RAPGEF4: variants seen among roughly 807,000 people sequenced by gnomAD.
RAPGEF4 encodes the protein RAP guanine-nucleotide-exchange factor (GEF) 4.
A neutral mutation model predicts 147.9 loss-of-function variants in RAPGEF4; 66 were observed. That is an observed-to-expected ratio of 0.45 (90% CI 0.37 to 0.55). The LOEUF is 0.55. RAPGEF4 is among the 20% of genes least tolerant of loss of function. RAPGEF4 has a pLI of 0.00. For synonymous variants in RAPGEF4, 419 were observed against 442.7 expected, an observed-to-expected ratio of 0.95 and a Z score of 0.67; for missense variants, 1,071 against 1,257.3, an observed-to-expected ratio of 0.85 and a Z score of 2.24.
intron 4 of RAPGEF4, among the ~76,000 whole-genome samples, chr2:172,914,526 A>T (rs1170267349): frequency 6.6e-6 from 1 of 151,166 alleles, no homozygotes; most frequent in South Asian, 2.1e-4. Flanking sequence ...AATTTGATAG[A>T]TCTAGTCACT....
chr2:172,744,258 A>G (rs1003183247), intron 1 of RAPGEF4: 3 of 311,788 alleles, frequency 9.6e-6, no homozygotes, highest in Non-Finnish European at 1.3e-5. Flanking sequence ...GGAAAACATG[A>G]TATAGTCAAA....
At chr2:172,997,565 TAAGTGTTC>T (rs1693492835) in intron 16 of RAPGEF4, among the ~76,000 whole-genome samples, 1 of 152,198 alleles carries the variant, frequency 6.6e-6, no homozygotes, top group Admixed American at 6.5e-5. Context: ...ACCAGTGAAC[TAAGTGTTC>T]AGAGTTATAA....
intron 4 of RAPGEF4, among the ~76,000 whole-genome samples, chr2:172,882,956 T>C (rs979368888): frequency 6.6e-6 from 1 of 152,182 alleles, no homozygotes; most frequent in Non-Finnish European, 1.5e-5. Flanking sequence ...CATTTACTCA[T>C]GTTTTGTCAT....
chr2:172,825,512 A>G (rs1205321224), intron 4 of RAPGEF4, among the ~76,000 whole-genome samples: 1 of 152,088 alleles, frequency 6.6e-6, no homozygotes, highest in Admixed American at 6.5e-5. Context: ...AGGTTTTATT[A>G]TCTCTTTTTT....
intron 4 of RAPGEF4, among the ~76,000 whole-genome samples, chr2:172,830,626 CAG>C (rs545705231): frequency 7.8e-4 from 119 of 152,290 alleles, no homozygotes; most frequent in African/African-American, 2.5e-3. Flanking sequence ...TCATTTGAGA[CAG>C]AGTCTCTCTC....
intron 1 of RAPGEF4, among the ~76,000 whole-genome samples, chr2:172,756,945 T>C (rs921261244): frequency 2.6e-5 from 4 of 152,222 alleles, no homozygotes; most frequent in South Asian, 2.1e-4. Context: ...ACCCTAATCC[T>C]AATGCACCTA....
intron 8 of RAPGEF4, 169 bp from the exon 9 acceptor site, chr2:172,965,393 T>C (rs1367009858): frequency 1.3e-6 from 1 of 756,426 alleles, no homozygotes; most frequent in African/African-American, 1.7e-5. Flanking sequence ...TGGCTTGTAT[T>C]AGCATTTGAG....
intron 11 of RAPGEF4, among the ~76,000 whole-genome samples, chr2:172,984,148 G>T (rs1691986517): frequency 6.6e-6 from 1 of 152,178 alleles, no homozygotes; most frequent in Non-Finnish European, 1.5e-5. Context: ...TTAGGAGACA[G>T]AAATTTTTTG....
rs115295561 is a variant in RAPGEF4 at position 172,885,997 on chromosome 2, C to G, written c.445-31805C>G. 6.8e-3 allele frequency among the ~76,000 whole-genome samples: 1,034 copies of G among 152,228 alleles called. 10 individuals are homozygous for G. The highest frequency in any genetic ancestry group is 0.023 in the African/African-American group (964 of 41,544). On this transcript the variant is annotated intron_variant, in intron 4 of 30. Transcript: ENST00000397081. ...CCAGTGCAGCCACTGGGACTTCTCT[C>G]CCTTCCTTTCCCTGCAAGCTGCCTT...
At chr2:172,958,126 G>T (rs915132469) in intron 6 of RAPGEF4, among the ~76,000 whole-genome samples, 1 of 152,170 alleles carries the variant, frequency 6.6e-6, no homozygotes, top group Non-Finnish European at 1.5e-5. Context: ...GCCTCTCAAA[G>T]ATCACTGCAA....
Position 173,027,202 on chromosome 2 carries a change from G to T in RAPGEF4, c.2501G>T (p.Cys834Phe). The T allele has an allele frequency of 6.2e-7, 1 of 1,613,114 alleles. No individual in the cohort carries two copies. Among genetic ancestry groups the T allele is most frequent in the Non-Finnish European group, 8.5e-7 (1 of 1,179,780 alleles). Residue 834 changes from cysteine to phenylalanine, a missense_variant, in exon 25 of 31, where the codon TGT becomes TTT. Physicochemically the swap from Cys to Phe is radical, Grantham distance 205 (BLOSUM62 -2). Transcript: ENST00000397081. ...QFWVVTEICL[C>F]SQLSKRVQLL... ...TGGGTCGTCACTGAGATCTGCCTTTGTTCTCAGCTCAGCAAGCGTGTTCAG... is the reference window on the plus strand; with the variant it reads ...TGGGTCGTCACTGAGATCTGCCTTTTTTCTCAGCTCAGCAAGCGTGTTCAG...
At chr2:172,779,882 G>A (rs772876151) in intron 1 of RAPGEF4, among the ~76,000 whole-genome samples, 10 of 152,084 alleles carry the variant, frequency 6.6e-5, no homozygotes, top group Non-Finnish European at 1.5e-4. Flanking sequence ...ATTTCTTCTG[G>A]TAAACAGCAA....
At chr2:172,914,316 T>C (rs1054378649) in intron 4 of RAPGEF4, among the ~76,000 whole-genome samples, 1 of 131,996 alleles carries the variant, frequency 7.6e-6, no homozygotes, top group South Asian at 2.3e-4. Flanking sequence ...AAAGGAAATA[T>C]GCATTTTTTT....
chr2:172,924,332 G>A (rs1343720563), intron 6 of RAPGEF4, among the ~76,000 whole-genome samples: 1 of 152,232 alleles, frequency 6.6e-6, no homozygotes, highest in Non-Finnish European at 1.5e-5. Flanking sequence ...CTGTCATCAT[G>A]TAGCTCACTT....
chr2:172,751,842 G>C (rs1165905454), intron 1 of RAPGEF4, among the ~76,000 whole-genome samples: 1 of 152,154 alleles, frequency 6.6e-6, no homozygotes, highest in Admixed American at 6.5e-5. Context: ...TTTTGGGAAA[G>C]TACCCATAGA....
At position 172,924,160 on chromosome 2, in the gene RAPGEF4, T is replaced by A. The variant is rs116726580; in HGVS notation, c.537+1860T>A. On this transcript the variant is annotated intron_variant, in intron 6 of 30. Coordinates refer to ENST00000397081, the MANE Select transcript of RAPGEF4 (RefSeq NM_007023.4). ...CTTGTCCTTCCTCATCAACAGACTA[T>A]CAGTGATGTGGGGAGCTCACACAGA... Among the ~76,000 whole-genome samples, 1,401 of 152,264 alleles carry A rather than the reference T, an allele frequency of 9.2e-3. 13 individuals are homozygous for A. Among genetic ancestry groups the A allele is most frequent in the Non-Finnish European group, 0.014 (973 of 68,014 alleles).
chr2:172,990,392 T>G (rs1029326124), intron 14 of RAPGEF4, among the ~76,000 whole-genome samples: 7 of 152,126 alleles, frequency 4.6e-5, no homozygotes, highest in African/African-American at 1.2e-4. Context: ...AACAAAGCAG[T>G]CTTTTGATTA....
intron 4 of RAPGEF4, among the ~76,000 whole-genome samples, chr2:172,892,118 G>A (rs1374737369): frequency 6.6e-6 from 1 of 152,114 alleles, no homozygotes; most frequent in South Asian, 2.1e-4. Context: ...AAGGGGAGAG[G>A]GTAGGAGCAG....
chr2:173,020,630 T>C lies in RAPGEF4; in HGVS notation c.2168T>C (p.Leu723Pro), dbSNP rs1173198164. ...TTTATGTTCACAGAAAAGGTGGTGCTCAAACCTAATGATGTTTCAGTATTT... is the reference window on the plus strand; with the variant it reads ...TTTATGTTCACAGAAAAGGTGGTGCCCAAACCTAATGATGTTTCAGTATTT... The part of the protein sequence containing the change: ...KMSSGGEKVV[L>P]KPNDVSVFTT... Residue 723 changes from leucine (L) to proline (P), a missense_variant, in exon 23 of 31, where the codon CTC becomes CCC. Physicochemically the swap from Leu to Pro is moderately conservative, Grantham distance 98. Transcript: ENST00000397081. 13 of 1,612,884 alleles carry C rather than the reference T, an allele frequency of 8.1e-6. No individual in the cohort carries two copies. Among genetic ancestry groups the C allele is most frequent in the African/African-American group, 4.0e-5 (3 of 74,884 alleles).
Sources: gnomAD v4.1 joint callset for allele counts (sites outside exome capture counted in the v4.1 genomes callset) on GRCh38, gnomAD v4.1.1 for gene constraint, MANE v1.5 for transcripts, NCBI Gene and HGNC (gene_info 2026-07-23, HGNC 2026-07-21) for gene names.